Variants in TMEM51 observed in about 807,000 individuals in gnomAD.
TMEM51 encodes the protein chromosome 1 open reading frame 72.
A neutral mutation model predicts 13.6 loss-of-function variants in TMEM51; 8 were observed. The observed-to-expected ratio is 0.59, with a 90% CI of 0.35 to 1.07. The LOEUF is 1.07. Ranked by LOEUF, TMEM51 falls within the 50% of genes least tolerant of loss-of-function variation. The probability of loss-of-function intolerance (pLI) is 0.02; values close to 1 mark genes in which losing one functional copy is unlikely to be tolerated. For synonymous variants in TMEM51, 147 were observed against 144.4 expected, an observed-to-expected ratio of 1.02 and a Z score of -0.13; for missense variants, 279 against 330.7, an observed-to-expected ratio of 0.84 and a Z score of 1.21.
At chr1:15,186,730 A>C (rs542833172) in intron 1 of TMEM51, among the ~76,000 whole-genome samples, 15 of 152,326 alleles carry the variant, frequency 9.8e-5, no homozygotes, top group East Asian at 1.9e-4. Flanking sequence ...ATAGGGAGCC[A>C]TGAAGGGATG....
intron 1 of TMEM51, among the ~76,000 whole-genome samples, chr1:15,189,446 T>G (rs1017215697): frequency 6.6e-6 from 1 of 152,122 alleles, no homozygotes; most frequent in Non-Finnish European, 1.5e-5. Context: ...GGCCTTCACC[T>G]CTCTGGCTGC....
chr1:15,211,433 T>A (rs979970666), intron 2 of TMEM51, among the ~76,000 whole-genome samples: 1 of 152,214 alleles, frequency 6.6e-6, no homozygotes, highest in African/African-American at 2.4e-5. Context: ...CTAATTAACA[T>A]TAAATAACAA....
At chr1:15,213,906 A>G (rs1041626546) in intron 2 of TMEM51, among the ~76,000 whole-genome samples, 2 of 151,944 alleles carry the variant, frequency 1.3e-5, no homozygotes, top group South Asian at 4.2e-4. Context: ...CAGTGGCACA[A>G]TCTCGGCTCA....
chr1:15,188,135 C>A (rs1643841535), intron 1 of TMEM51, among the ~76,000 whole-genome samples: 2 of 152,172 alleles, frequency 1.3e-5, no homozygotes, highest in Non-Finnish European at 2.9e-5. Flanking sequence ...TCCAGTGGTA[C>A]CCTCTGGAGT....
chr1:15,179,279 G>C (rs1643540932), intron 1 of TMEM51, among the ~76,000 whole-genome samples: 1 of 152,156 alleles, frequency 6.6e-6, no homozygotes, highest in South Asian at 2.1e-4. Context: ...CAGAGGTTCA[G>C]AGCAGCATTA....
At chr1:15,178,703 C>A (rs1643523217) in intron 1 of TMEM51, among the ~76,000 whole-genome samples, 1 of 152,166 alleles carries the variant, frequency 6.6e-6, no homozygotes, top group Non-Finnish European at 1.5e-5. Flanking sequence ...AAGCAACTTG[C>A]CTAAAACCAT....
intron 1 of TMEM51, among the ~76,000 whole-genome samples, chr1:15,185,166 A>G (rs1391841293): frequency 6.6e-6 from 1 of 152,190 alleles, no homozygotes; most frequent in Admixed American, 6.5e-5. Flanking sequence ...TGCTTGGGAA[A>G]TGCTCAAAAC....
At chr1:15,214,739 A>T (rs576483247) in intron 2 of TMEM51, among the ~76,000 whole-genome samples, 156 bp from the exon 3 acceptor site, 90 of 152,326 alleles carry the variant, frequency 5.9e-4, no homozygotes, top group African/African-American at 2.1e-3. Context: ...GAGCCTGAGC[A>T]CGTAAGACAT....
At chr1:15,191,780 C>A (rs1643926673) in intron 1 of TMEM51, 1 of 300,358 alleles carries the variant, frequency 3.3e-6, no homozygotes, top group Non-Finnish European at 6.8e-6. Context: ...CTTTTTATTT[C>A]CAGCTGTTGA....
At chr1:15,205,870 G>T (rs1644239395) in intron 1 of TMEM51, among the ~76,000 whole-genome samples, 2 of 152,048 alleles carry the variant, frequency 1.3e-5, no homozygotes, top group South Asian at 4.2e-4. Context: ...ATGTATCTCG[G>T]TATCCCCCAA....
rs1323340442 is a variant in TMEM51 at position 15,215,266 on chromosome 1, G to C, written c.179G>C (p.Ser60Thr). ...KTEVGGGILK[S>T]KTFSVAYVLV... is the part of the protein sequence containing the mutation. Reference sequence around the variant, plus strand: ...GAGGTGGGTGGCGGCATCCTCAAGAGCAAGACCTTCTCTGTGGCCTACGTG... The same window carrying C: ...GAGGTGGGTGGCGGCATCCTCAAGACCAAGACCTTCTCTGTGGCCTACGTG... The change falls in exon 3 of 4, where the codon AGC (serine) becomes ACC (threonine). Residue 60 changes from serine to threonine, a missense_variant. Transcript: ENST00000376008. 10 of 1,614,112 alleles carry C rather than the reference G, an allele frequency of 6.2e-6. No individual in the cohort carries two copies. The South Asian group carries it at 1.1e-4, about 18-fold the overall frequency.
chr1:15,206,123 G>C (rs781033411), intron 1 of TMEM51, among the ~76,000 whole-genome samples: 3 of 151,756 alleles, frequency 2.0e-5, no homozygotes, highest in Non-Finnish European at 4.4e-5. Flanking sequence ...TGTAGTCCCA[G>C]CTCCTCGGGG....
At position 15,213,475 on chromosome 1, in the gene TMEM51, T is replaced by C. The variant is rs117049333; in HGVS notation, c.-193-1420T>C. Among the ~76,000 whole-genome samples, 158 of 152,282 alleles carry C rather than the reference T, an allele frequency of 1.0e-3. No homozygotes were observed. The East Asian group carries it at 0.027, about 26-fold the overall frequency. ...TAAACATCTTGTAAATTTTACTGTT[T>C]TGCAAAAGTTCCTGTCACAGGAATA... On this transcript the variant is annotated intron_variant, in intron 2 of 3. Transcript: ENST00000376008.
chr1:15,194,635 A>G (rs569832128), intron 1 of TMEM51, among the ~76,000 whole-genome samples: 4 of 152,226 alleles, frequency 2.6e-5, no homozygotes, highest in African/African-American at 9.6e-5. Flanking sequence ...GCCGCTTCCT[A>G]TCTTTTCGTT....
chr1:15,180,287 T>TC lies in TMEM51; in HGVS notation c.-267+26334dup, dbSNP rs147203474. On this transcript the variant is annotated intron_variant, in intron 1 of 3. Coordinates refer to ENST00000376008, the MANE Select transcript of TMEM51 (RefSeq NM_001136218.2). ...GTCTGGTCCCAGGGCTGTCTCCTGATCGTCAGCAAGACCAGCTCTAAGCTA... is the reference window on the plus strand; with the variant it reads ...GTCTGGTCCCAGGGCTGTCTCCTGATCCGTCAGCAAGACCAGCTCTAAGCTA... Among the ~76,000 whole-genome samples the TC allele has an allele frequency of 4.5e-4, 68 of 152,272 alleles. No individual in the cohort carries two copies. In the East Asian group the frequency reaches 0.012, roughly 27 times the overall value.
chr1:15,167,358 A>T (rs1395234301), intron 1 of TMEM51, among the ~76,000 whole-genome samples: 1 of 138,480 alleles, frequency 7.2e-6, no homozygotes, highest in East Asian at 2.1e-4. Flanking sequence ...AAAAAAAAAG[A>T]ATACATTTGA....
At chr1:15,159,837 T>C (rs1642715212) in intron 1 of TMEM51, among the ~76,000 whole-genome samples, 1 of 151,486 alleles carries the variant, frequency 6.6e-6, no homozygotes, top group African/African-American at 2.4e-5. Flanking sequence ...CACCTAGCCT[T>C]CTTCTTTTTT....
At chr1:15,155,105 AGCCCCT>A (rs1026263358) in intron 1 of TMEM51, among the ~76,000 whole-genome samples, 1 of 152,204 alleles carries the variant, frequency 6.6e-6, no homozygotes, top group Non-Finnish European at 1.5e-5. Flanking sequence ...ATTGGGACAG[AGCCCCT>A]GCCCCTCCAA....
chr1:15,186,465 G>A (rs1028757236), intron 1 of TMEM51, among the ~76,000 whole-genome samples: 1 of 152,162 alleles, frequency 6.6e-6, no homozygotes, highest in East Asian at 1.9e-4. Flanking sequence ...CCTGAATGAG[G>A]GAGAGCGGGG....
Sources: gnomAD v4.1 joint callset for allele counts (sites outside exome capture counted in the v4.1 genomes callset) on GRCh38, gnomAD v4.1.1 for gene constraint, MANE v1.5 for transcripts, NCBI Gene and HGNC (gene_info 2026-07-23, HGNC 2026-07-21) for gene names.